Variants in KANTR observed in about 807,000 individuals in gnomAD.
KANTR encodes KDM5C adjacent transcript.
At chrX:53,143,753 T>C (rs1933535225), downstream of KANTR, 1 of 574,131 alleles carries the variant, frequency 1.7e-6, no homozygotes, top group Non-Finnish European at 3.1e-6. Flanking sequence ...TCATGGCCCA[T>C]GTAGGAGTCC....
intron 2 of KANTR, among the ~76,000 whole-genome samples, chrX:53,107,947 T>G (rs1932974501): frequency 9.1e-6 from 1 of 109,390 alleles, no homozygotes; most frequent in Non-Finnish European, 1.9e-5. Flanking sequence ...TGGAGTGCAG[T>G]GGGGCGCTCT....
intron 2 of KANTR, among the ~76,000 whole-genome samples, chrX:53,100,480 C>CAA (rs1279909045): frequency 1.2e-5 from 1 of 85,941 alleles, no homozygotes; most frequent in Non-Finnish European, 2.3e-5. Flanking sequence ...AACTCCGTCT[C>CAA]AAAAAAAAAA....
rs782746024 is a variant in KANTR, at chrX:53,120,501, T to A, written c.-804-2968T>A. Reference sequence around the variant, plus strand: ...TAGCTCTCTATTGTAAATAAATTATTGAATGTCTTCTGGCAGAGCTTTATG... The same window carrying A: ...TAGCTCTCTATTGTAAATAAATTATAGAATGTCTTCTGGCAGAGCTTTATG... On this transcript the variant is annotated intron_variant, in intron 2 of 2. Coordinates refer to ENST00000604062, the Ensembl canonical transcript of KANTR. 3.9e-4 allele frequency among the ~76,000 whole-genome samples: 43 copies of A among 111,429 alleles called. 1 individual carries two copies. The highest frequency in any genetic ancestry group is 1.3e-3 in the African/African-American group (40 of 30,709).
At chrX:53,120,584 G>A (rs1933202140) in intron 2 of KANTR, among the ~76,000 whole-genome samples, 1 of 110,971 alleles carries the variant, frequency 9.0e-6, no homozygotes, top group African/African-American at 3.3e-5. Context: ...TACTTTATGG[G>A]TTTTCTGCTA....
intron 2 of KANTR, among the ~76,000 whole-genome samples, chrX:53,105,175 T>G (rs1442276403): frequency 9.0e-6 from 1 of 111,631 alleles, no homozygotes; most frequent in Non-Finnish European, 1.9e-5. Context: ...TGAGCCATGG[T>G]GCCCCGCCTT....
Position 53,094,233 on chromosome X carries a change from G to A in KANTR, c.-993G>A, listed in dbSNP as rs1556810454. The A allele has an allele frequency of 8.9e-6, 1 of 112,270 alleles. No individual in the cohort carries two copies. Among genetic ancestry groups the A allele is most frequent in the African/African-American group, 3.2e-5 (1 of 30,869 alleles). 9.3% of individuals were successfully genotyped at this position (112,270 alleles called of 1,213,427 possible). ...CTTCAGATCTTGCTGTAGGCCTCTG[G>A]TGTCTGTGCGCGCGCGGCAGGGGCG... On this transcript the variant is annotated 5_prime_UTR_variant, in exon 1 of 3. The change creates a new upstream start codon in the 5' untranslated region. Transcript: ENST00000604062.
At chrX:53,127,927 C>A (rs1308088015), downstream of KANTR, among the ~76,000 whole-genome samples, 2 of 111,280 alleles carry the variant, frequency 1.8e-5, no homozygotes, top group African/African-American at 3.3e-5. Context: ...TGGAAGCTGG[C>A]ATGATGCTGG....
At chrX:53,110,382 T>C (rs1165998985) in intron 2 of KANTR, among the ~76,000 whole-genome samples, 1 of 112,048 alleles carries the variant, frequency 8.9e-6, no homozygotes, top group Non-Finnish European at 1.9e-5. Context: ...CCAAATGCTT[T>C]TTCTGCATCT....
At chrX:53,117,013 G>A (rs1359782597) in intron 2 of KANTR, among the ~76,000 whole-genome samples, 3 of 111,534 alleles carry the variant, frequency 2.7e-5, no homozygotes, top group South Asian at 3.8e-4. Flanking sequence ...TGGGCGCGGC[G>A]GCTCACACCT....
chrX:53,097,025 C>G (rs1556810962), intron 1 of KANTR, among the ~76,000 whole-genome samples: 1 of 110,233 alleles, frequency 9.1e-6, no homozygotes, highest in Non-Finnish European at 1.9e-5. Flanking sequence ...CCCAGCTACT[C>G]GGAAGGCTGA....
At chrX:53,117,808 TG>T (rs782128046) in intron 2 of KANTR, among the ~76,000 whole-genome samples, 9 of 109,036 alleles carry the variant, frequency 8.3e-5, no homozygotes, top group Non-Finnish European at 1.5e-4. Context: ...TTAGTAGAGT[TG>T]GGGTTTCACC....
chrX:53,129,849 AATTTATTTATTTATTT>A (rs59141550), downstream of KANTR, among the ~76,000 whole-genome samples: 1 of 99,011 alleles, frequency 1.0e-5, no homozygotes, highest in Non-Finnish European at 2.0e-5. Context: ...TCTCCTTACA[AATTTATTTATTTATTT>A]ATTTATTTAT....
chrX:53,117,627 T>C (rs1933151958), intron 2 of KANTR, among the ~76,000 whole-genome samples: 1 of 97,750 alleles, frequency 1.0e-5, no homozygotes, highest in African/African-American at 3.8e-5. Context: ...TTTTTTTTTT[T>C]TTTTTTTGAG....
chrX:53,104,003 T>G (rs2146720120), intron 2 of KANTR, among the ~76,000 whole-genome samples: 1 of 110,481 alleles, frequency 9.1e-6, no homozygotes, highest in East Asian at 2.9e-4. Flanking sequence ...TCGTTGCAAC[T>G]TCATTGAGAT....
At position 53,122,893 on chromosome X, in the gene KANTR, T is replaced by C. The variant is rs781827398; in HGVS notation, c.-804-576T>C. ...AAATTGGTCTTTTCCTTTCTCAGGCTGTTCTTATTGGCTTTTGGCAGTAAG... is the reference window on the plus strand; with the variant it reads ...AAATTGGTCTTTTCCTTTCTCAGGCCGTTCTTATTGGCTTTTGGCAGTAAG... On this transcript the variant is annotated intron_variant, in intron 2 of 2. Coordinates refer to ENST00000604062, the Ensembl canonical transcript of KANTR. Among the ~76,000 whole-genome samples the C allele has an allele frequency of 1.4e-4, 16 of 111,501 alleles. No homozygotes were observed. In the South Asian group the frequency reaches 5.2e-3, roughly 36 times the overall value.
downstream of KANTR, among the ~76,000 whole-genome samples, chrX:53,145,666 C>T (rs5978178): frequency 1.7e-4 from 19 of 111,947 alleles, no homozygotes; most frequent in East Asian, 4.0e-3. Flanking sequence ...TCTCCCAGCA[C>T]GCAGCTGGAG....
chrX:53,118,692 C>T (rs1182351878), intron 2 of KANTR, among the ~76,000 whole-genome samples: 3 of 107,873 alleles, frequency 2.8e-5, no homozygotes, highest in Non-Finnish European at 3.8e-5. Flanking sequence ...GCCTGGGAGG[C>T]GGTGGCTACA....
intron 2 of KANTR, among the ~76,000 whole-genome samples, chrX:53,119,948 C>T (rs913922382): frequency 1.8e-5 from 2 of 111,305 alleles, no homozygotes; most frequent in Admixed American, 1.9e-4. Flanking sequence ...CGAACGCCTG[C>T]GCTCAAGCAA....
chrX:53,114,522 G>A (rs1933094872), intron 2 of KANTR, among the ~76,000 whole-genome samples: 3 of 112,692 alleles, frequency 2.7e-5, no homozygotes, highest in Admixed American at 1.9e-4. Context: ...CTTGCTGCTG[G>A]AGTCCTCAGG....
Sources: allele counts gnomAD v4.1 joint callset (sites outside exome capture counted in the v4.1 genomes callset), GRCh38; gene constraint gnomAD v4.1.1; transcripts MANE v1.5; gene names NCBI Gene and HGNC (gene_info 2026-07-23, HGNC 2026-07-21).